ARAP2: variants seen among roughly 807,000 people sequenced by gnomAD.
ARAP2 encodes the protein ArfGAP with RhoGAP domain, ankyrin repeat and PH domain 2, also known as arf-GAP with Rho-GAP domain, ANK repeat and PH domain-containing protein 2.
Under a neutral mutation model 194.5 loss-of-function variants are expected in ARAP2, and 148 were observed. The observed-to-expected ratio is 0.76, with a 90% CI of 0.67 to 0.87. The LOEUF is 0.87. ARAP2 is among the 40% of genes least tolerant of loss of function. The pLI is 0.00. For missense variants in ARAP2, 2,128 were observed against 1,989.7 expected (o/e 1.07, Z -1.32); for synonymous variants, 695 against 683.5 (o/e 1.02, Z -0.26).
chr4:36,206,598 CT>C (rs1463339927), intron 6 of ARAP2, among the ~76,000 whole-genome samples: 2 of 152,226 alleles, frequency 1.3e-5, no homozygotes, highest in Non-Finnish European at 2.9e-5. Context: ...TGAAGAAATG[CT>C]TTCTCAACCC....
rs1011319408 is a variant in ARAP2, at chr4:36,210,453, C to T, written c.1424G>A (p.Cys475Tyr). 8 of 1,613,478 alleles carry T rather than the reference C, an allele frequency of 5.0e-6. No individual in the cohort carries two copies. The highest frequency in any genetic ancestry group is 4.5e-5 in the East Asian group (2 of 44,878). The stretch of plus-strand genomic sequence containing the variant: ...CTTCTTTGCAGATGCTCCATAAAAG[C>T]AGGCATAGGGAGATATTGCCTGTGA... ...VSSQAISPYA[C>Y]FYGASAKKVK... Residue 475 changes from cysteine (C) to tyrosine (Y), a missense_variant, in exon 6 of 33, where the codon TGC becomes TAC. Cys to Tyr is a radical substitution (Grantham distance 194, BLOSUM62 -2). Coordinates refer to ENST00000303965, the MANE Select transcript of ARAP2 (RefSeq NM_015230.4).
At position 36,083,418 on chromosome 4, in the gene ARAP2, A is replaced by G; in HGVS notation, c.4458T>C (p.Ser1486=). Residue 1486 remains serine (S), a synonymous_variant, in exon 29 of 33, where the codon AGT becomes AGC. Transcript: ENST00000303965. ...TCACTCCACGATAAAACTTCATGGAACTGAGAGAAAACATCTTGTCATGTT... is the reference window on the plus strand; with the variant it reads ...TCACTCCACGATAAAACTTCATGGAGCTGAGAGAAAACATCTTGTCATGTT... ...SSKHDKMFSL[S]SMKFYRGVKK... 1 of 1,607,518 alleles carries G rather than the reference A, an allele frequency of 6.2e-7. No homozygotes were observed. Among genetic ancestry groups the G allele is most frequent in the Middle Eastern group, 1.7e-4 (1 of 6,032 alleles).
chr4:36,017,511 CAG>C (rs1251421042), intron 6 of ARAP2, among the ~76,000 whole-genome samples: 3 of 122,648 alleles, frequency 2.4e-5, no homozygotes, highest in Non-Finnish European at 4.8e-5. Context: ...AAATGGTGAT[CAG>C]AGACTGTGCA....
At chr4:36,241,197 T>A (rs1166152220) in intron 1 of ARAP2, among the ~76,000 whole-genome samples, 1 of 152,230 alleles carries the variant, frequency 6.6e-6, no homozygotes, top group African/African-American at 2.4e-5. Flanking sequence ...TTTCTCTGAA[T>A]GTAAGTCATA....
chr4:36,161,312 C>G (rs1465365048), intron 12 of ARAP2, among the ~76,000 whole-genome samples, 153 bp downstream of exon 12: 1 of 152,086 alleles, frequency 6.6e-6, no homozygotes, highest in Non-Finnish European at 1.5e-5. Flanking sequence ...TTACTACTAT[C>G]AAAAAGGCTA....
At chr4:36,119,756 G>T (rs1357459568) in intron 23 of ARAP2, 38 bp from the exon 24 acceptor site, 1 of 1,419,482 alleles carries the variant, frequency 7.0e-7, no homozygotes, top group Admixed American at 1.7e-5. Context: ...TAATAATGTA[G>T]AATACGAAGA....
rs1425146725 is a variant in ARAP2, at chr4:36,068,235, C to T, written c.4787G>A (p.Cys1596Tyr). The change falls in exon 33 of 33, where the codon TGT becomes TAT. Residue 1596 changes from cysteine to tyrosine, a missense_variant. Transcript: ENST00000303965. ...GCTAGAGTCCACGGACTCTTTATCA[C>T]ACTTTTCACTGAGCCGCAGCCTTTC... ...ELERLRLSEK[C>Y]DKESVDSSLK... The T allele has an allele frequency of 8.8e-6, 14 of 1,591,306 alleles. No homozygotes were observed. The highest frequency in any genetic ancestry group is 8.5e-6 in the Non-Finnish European group (10 of 1,170,110).
intron 5 of ARAP2, among the ~76,000 whole-genome samples, chr4:36,032,528 A>G (rs1166211390): frequency 6.6e-6 from 1 of 152,220 alleles, no homozygotes; most frequent in Non-Finnish European, 1.5e-5. Flanking sequence ...AATAGAAGAG[A>G]GTTAATATAA....
intron 15 of ARAP2, among the ~76,000 whole-genome samples, chr4:36,155,184 T>C (rs997885876): frequency 2.6e-5 from 4 of 152,216 alleles, no homozygotes; most frequent in Admixed American, 6.5e-5. Flanking sequence ...CTGACACTGT[T>C]TGGGGTATCA....
At chr4:36,076,554 G>A (rs992872371) in intron 31 of ARAP2, among the ~76,000 whole-genome samples, 5 of 150,712 alleles carry the variant, frequency 3.3e-5, no homozygotes, top group Non-Finnish European at 5.9e-5. Context: ...TTCTGCCTAC[G>A]CTTTAAATTT....
At chr4:36,147,824 G>T in intron 17 of ARAP2, 78 bp from the exon 18 acceptor site, 2 of 1,170,388 alleles carry the variant, frequency 1.7e-6, no homozygotes, top group Non-Finnish European at 2.4e-6. Context: ...TATGAGAGAA[G>T]GTAGACAAAT....
intron 19 of ARAP2, among the ~76,000 whole-genome samples, chr4:36,137,040 G>A (rs1161994893): frequency 6.6e-6 from 1 of 151,792 alleles, no homozygotes; most frequent in African/African-American, 2.4e-5. Flanking sequence ...CATCACTGGA[G>A]TATAACAAGA....
In ARAP2 at chr4:36,083,377, G is replaced by A. The variant is rs1385148373; in HGVS notation, c.4499C>T (p.Pro1500Leu). 3 of 1,603,760 alleles carry A rather than the reference G, an allele frequency of 1.9e-6. No individual in the cohort carries two copies. The highest frequency in any genetic ancestry group is 1.7e-5 in the Admixed American group (1 of 58,594). Residue 1500 changes from proline to leucine, a missense_variant, in exon 29 of 33, where the codon CCT (proline) becomes CTT (leucine). By Grantham distance (98) the Pro-to-Leu change is moderately conservative. Transcript: ENST00000303965. Reference sequence around the variant, plus strand: ...CCCTTTCAAACTTTACCTTGTTGGAGGCTTCATTTTCTTTTTCACTCCACG... The same window carrying A: ...CCCTTTCAAACTTTACCTTGTTGGAAGCTTCATTTTCTTTTTCACTCCACG... ...FYRGVKKKMKPPTSWGLTAYS... is the reference protein window; with the variant it reads ...FYRGVKKKMKLPTSWGLTAYS...
intron 8 of ARAP2, among the ~76,000 whole-genome samples, chr4:36,185,893 G>A (rs974511672): frequency 3.3e-5 from 5 of 151,516 alleles, no homozygotes; most frequent in African/African-American, 7.3e-5. Context: ...CAGGACAATC[G>A]CTTGAACCCA....
exon 9 of ARAP2, chr4:36,012,564 A>G (rs1032189453): frequency 2.0e-5 from 3 of 152,234 alleles, no homozygotes; most frequent in Non-Finnish European, 4.4e-5. Flanking sequence ...ATCACTTACA[A>G]TCCACATCAA....
intron 7 of ARAP2, among the ~76,000 whole-genome samples, chr4:36,189,074 C>T (rs945544069): frequency 6.6e-6 from 1 of 152,150 alleles, no homozygotes; most frequent in Admixed American, 6.5e-5. Context: ...TCTCCTATGT[C>T]CTCCCATGCA....
intron 6 of ARAP2, among the ~76,000 whole-genome samples, chr4:36,199,068 G>A (rs545082899): frequency 5.3e-5 from 8 of 152,330 alleles, no homozygotes; most frequent in East Asian, 1.9e-4. Context: ...TTACCAACTC[G>A]GAAGGGGCAG....
intron 11 of ARAP2, among the ~76,000 whole-genome samples, chr4:36,162,799 G>A (rs1470732504): frequency 6.6e-6 from 1 of 152,010 alleles, no homozygotes; most frequent in Non-Finnish European, 1.5e-5. Context: ...TCTGAGTTGA[G>A]GCAGCAGGAA....
chr4:36,132,295 A>C (rs1376554894), intron 20 of ARAP2, among the ~76,000 whole-genome samples: 1 of 151,746 alleles, frequency 6.6e-6, no homozygotes, highest in African/African-American at 2.4e-5. Flanking sequence ...CTAATAACAC[A>C]ATGCTTTACT....
Sources: allele counts gnomAD v4.1 joint callset (sites outside exome capture counted in the v4.1 genomes callset), GRCh38; gene constraint gnomAD v4.1.1; transcripts MANE v1.5; gene names NCBI Gene and HGNC (gene_info 2026-07-23, HGNC 2026-07-21).